Variants in SIK2 observed in about 807,000 individuals in gnomAD.
SIK2 encodes serine/threonine-protein kinase SIK2.
Under a neutral mutation model 103.2 loss-of-function variants are expected in SIK2, and 29 were observed. The observed-to-expected ratio is 0.28, with a 90% CI of 0.21 to 0.38. SIK2 has a LOEUF of 0.38. SIK2 is among the 10% of genes least tolerant of loss of function. SIK2 has a pLI of 1.00. For missense variants in SIK2, 879 were observed against 1,171.0 expected, an observed-to-expected ratio of 0.75 and a Z score of 3.64; for synonymous variants, 412 against 446.1, an observed-to-expected ratio of 0.92 and a Z score of 0.96.
rs188597656 is a variant in SIK2 at position 111,729,972 on chromosome 11, C to T, written c.*5843C>T. ...TTCCTCAATTGCCAAGGGGCCGCAT[C>T]GCACGGCATCAGGCCACCACTGCAG... is the stretch of plus-strand genomic sequence containing the variant. On this transcript the variant is annotated 3_prime_UTR_variant, in exon 15 of 15. Transcript: ENST00000304987. 7.7e-3 allele frequency: 1,175 copies of T among 152,270 alleles called. 10 individuals carry two copies. Among genetic ancestry groups the T allele is most frequent in the Middle Eastern group, 0.051 (15 of 296 alleles). The allele number at this position is 152,270 out of a possible 1,614,324, so 9.4% of individuals were successfully genotyped here. A position where few individuals can be genotyped will look rare whatever the true frequency, so the allele number is the denominator to read the frequency against.
At position 111,668,256 on chromosome 11, in the gene SIK2, C is replaced by T. The variant is rs1025346203; in HGVS notation, c.317-19745C>T. Among the ~76,000 whole-genome samples, 23 of 152,240 alleles carry T rather than the reference C, an allele frequency of 1.5e-4. No individual in the cohort carries two copies. The South Asian group carries it at 4.4e-3, about 29-fold the overall frequency. On this transcript the variant is annotated intron_variant, in intron 3 of 14. Coordinates refer to ENST00000304987, the MANE Select transcript of SIK2 (RefSeq NM_015191.3). Reference sequence around the variant, plus strand: ...CACATGCACAAGGGAAAGAGAGACACTTCCGTGTAAATGCTTAAGGATTCA... The same window carrying T: ...CACATGCACAAGGGAAAGAGAGACATTTCCGTGTAAATGCTTAAGGATTCA...
intron 4 of SIK2, among the ~76,000 whole-genome samples, chr11:111,698,353 G>C (rs1198478294): frequency 6.6e-6 from 1 of 152,208 alleles, no homozygotes; most frequent in African/African-American, 2.4e-5. Context: ...CCACCTTCTT[G>C]ACAGGCCTCT....
chr11:111,629,425 C>T (rs1332921602), intron 3 of SIK2, among the ~76,000 whole-genome samples: 1 of 152,138 alleles, frequency 6.6e-6, no homozygotes, highest in Non-Finnish European at 1.5e-5. Context: ...AAGAAGCAAA[C>T]ACCAAGTTAG....
At position 111,727,307 on chromosome 11, in the gene SIK2, TTC is replaced by T; in HGVS notation, c.*3184_*3185del. 2 of 516,336 alleles carry T rather than the reference TTC, an allele frequency of 3.9e-6. No individual in the cohort carries two copies. Among genetic ancestry groups the T allele is most frequent in the Non-Finnish European group, 6.9e-6 (2 of 289,824 alleles). 32.0% of individuals were successfully genotyped at this position (516,336 alleles called of 1,614,324 possible). On this transcript the variant is annotated 3_prime_UTR_variant, in exon 15 of 15. Coordinates refer to ENST00000304987, the MANE Select transcript of SIK2 (RefSeq NM_015191.3). ...GTTCATGCCCATCTGAGCAAACCCC[TTC>T]TCTCTTCCATCCACTTTTGCCTCCT... is the stretch of plus-strand genomic sequence containing the variant.
chr11:111,698,133 C>G (rs1943122251), intron 4 of SIK2, among the ~76,000 whole-genome samples: 1 of 152,156 alleles, frequency 6.6e-6, no homozygotes, highest in African/African-American at 2.4e-5. Flanking sequence ...TCCCTATAGA[C>G]CCAAGTTTCT....
intron 4 of SIK2, among the ~76,000 whole-genome samples, chr11:111,690,566 G>A (rs1942921036): frequency 6.6e-6 from 1 of 151,924 alleles, no homozygotes; most frequent in African/African-American, 2.4e-5. Context: ...TAGGTTTTAA[G>A]CCCTGCATGG....
At chr11:111,634,800 T>G (rs1942084695) in intron 3 of SIK2, among the ~76,000 whole-genome samples, 1 of 152,196 alleles carries the variant, frequency 6.6e-6, no homozygotes, top group Non-Finnish European at 1.5e-5. Flanking sequence ...CGGGCACATG[T>G]TGTATGGGTT....
At chr11:111,706,270 G>A (rs1005590315) in intron 8 of SIK2, among the ~76,000 whole-genome samples, 2 of 152,208 alleles carry the variant, frequency 1.3e-5, no homozygotes, top group African/African-American at 2.4e-5. Context: ...TTGCTGGGGA[G>A]GAAGGGACAA....
chr11:111,685,839 G>A lies in SIK2; in HGVS notation c.317-2162G>A, dbSNP rs190175774. On this transcript the variant is annotated intron_variant, in intron 3 of 14. Transcript: ENST00000304987. ...ACTGCACCCTGGGCAACAAAAGAGTGAGGCCCTGACTAAAAAATAAATAAA... is the reference window on the plus strand; with the variant it reads ...ACTGCACCCTGGGCAACAAAAGAGTAAGGCCCTGACTAAAAAATAAATAAA... Among the ~76,000 whole-genome samples the A allele has an allele frequency of 2.6e-5, 4 of 152,218 alleles. No individual in the cohort carries two copies. The East Asian group carries it at 7.7e-4, about 29-fold the overall frequency.
chr11:111,723,813 A>AGCCGCC lies in SIK2; in HGVS notation c.2466_2471dup (p.Pro831_Pro832dup). The AGCCGCC allele has an allele frequency of 6.2e-7, 1 of 1,612,848 alleles. No homozygotes were observed. Among genetic ancestry groups the AGCCGCC allele is most frequent in the South Asian group, 1.1e-5 (1 of 91,074 alleles). ...CTGCCCACGCAGCTACAGCAGCAGC[A>AGCCGCC]GCCGCCACCGCCACCACCCCCTCCA... On this transcript the variant is annotated inframe_insertion, in exon 15 of 15. Transcript: ENST00000304987.
In SIK2 at chr11:111,727,079, A is replaced by G. The variant is rs1248410816; in HGVS notation, c.*2950A>G. ...GTCCCTGTAAGGCAAACAGCATGTT[A>G]GCCCGACAGGAAGAGGGGGCCCACT... is the stretch of plus-strand genomic sequence containing the variant. On this transcript the variant is annotated 3_prime_UTR_variant, in exon 15 of 15. Transcript: ENST00000304987. The G allele has an allele frequency of 6.2e-7, 1 of 1,600,470 alleles. No homozygotes were observed. Among genetic ancestry groups the G allele is most frequent in the African/African-American group, 1.3e-5 (1 of 74,664 alleles).
At chr11:111,640,835 C>T (rs1438195170) in intron 3 of SIK2, among the ~76,000 whole-genome samples, 1 of 146,396 alleles carries the variant, frequency 6.8e-6, no homozygotes, top group African/African-American at 2.5e-5. Flanking sequence ...CCCGGGTTCA[C>T]GCCATTCTTC....
intron 4 of SIK2, among the ~76,000 whole-genome samples, chr11:111,691,201 CT>C (rs1431323865): frequency 6.6e-6 from 1 of 152,014 alleles, no homozygotes; most frequent in Non-Finnish European, 1.5e-5. Context: ...TTTGTTTTGT[CT>C]TTTTGGTTTT....
At chr11:111,649,205 G>C (rs888758528) in intron 3 of SIK2, among the ~76,000 whole-genome samples, 2 of 152,056 alleles carry the variant, frequency 1.3e-5, no homozygotes, top group Non-Finnish European at 2.9e-5. Flanking sequence ...TGAGTACAGC[G>C]TTGTGTTGAT....
chr11:111,606,124 A>T (rs1003277171), intron 1 of SIK2, among the ~76,000 whole-genome samples: 2 of 152,200 alleles, frequency 1.3e-5, no homozygotes, highest in African/African-American at 4.8e-5. Flanking sequence ...TCAATACTAT[A>T]CAGTATTAGG....
intron 4 of SIK2, among the ~76,000 whole-genome samples, chr11:111,693,678 G>T (rs1235245240): frequency 2.6e-5 from 4 of 152,206 alleles, no homozygotes; most frequent in African/African-American, 9.6e-5. Context: ...TTCATGTAGA[G>T]TACTGAGTTG....
Position 111,722,840 on chromosome 11 carries a change from C to T in SIK2, c.2147+84C>T. ...TGAATGTGTTGTCCTTTTCCTCTCA[C>T]ATTCGCCACTACTAGGAAAATAGGT... is the stretch of plus-strand genomic sequence containing the variant. On this transcript the variant is annotated intron_variant, in intron 14 of 14. Transcript: ENST00000304987. This position sits in a 1 kb window ranked among gnomAD's most constrained non-coding sequence, Gnocchi z 4.4. 7.9e-7 allele frequency: 1 copy of T among 1,267,274 alleles called. No homozygotes were observed. Among genetic ancestry groups the T allele is most frequent in the Non-Finnish European group, 1.1e-6 (1 of 883,790 alleles). 78.5% of individuals were successfully genotyped at this position (1,267,274 alleles called of 1,614,324 possible). A position where few individuals can be genotyped will look rare whatever the true frequency, so the allele number is the denominator to read the frequency against.
intron 10 of SIK2, 57 bp from the exon 11 acceptor site, chr11:111,720,421 T>G: frequency 6.7e-7 from 1 of 1,500,298 alleles, no homozygotes; most frequent in Non-Finnish European, 9.0e-7. Context: ...CTTTGTACCC[T>G]ATGTTCCAAG....
Position 111,703,430 on chromosome 11 carries a change from T to G in SIK2, c.948+7T>G. The G allele has an allele frequency of 6.2e-7, 1 of 1,612,658 alleles. No individual in the cohort carries two copies. Among genetic ancestry groups the G allele is most frequent in the Non-Finnish European group, 8.5e-7 (1 of 1,179,350 alleles). On this transcript the variant is annotated splice_region_variant and intron_variant, in intron 7 of 14. Transcript: ENST00000304987. ...TCAGCAGAAAACCATTGAGGTAAAG[T>G]GATCAGAGATTTCGGGGTTCTACTG...
Sources: allele counts gnomAD v4.1 joint callset (sites outside exome capture counted in the v4.1 genomes callset), GRCh38; gene constraint gnomAD v4.1.1; non-coding constraint Gnocchi (gnomAD v3.1); transcripts MANE v1.5; gene names NCBI Gene and HGNC (gene_info 2026-07-23, HGNC 2026-07-21).